Variants in GSE1 observed in about 807,000 individuals in gnomAD.
GSE1 encodes Gse1 coiled-coil protein.
Under a neutral mutation model 112.6 loss-of-function variants are expected in GSE1, and 32 were observed. The ratio of observed to expected loss-of-function variants is 0.28; its 90% CI spans 0.21 to 0.38. GSE1 has a LOEUF of 0.38. Among genes scored for constraint, GSE1 ranks in the 10% least tolerant of loss-of-function variants. GSE1 has a pLI of 1.00. For synonymous variants in GSE1, 1,115 were observed against 735.6 expected (o/e 1.52, Z -8.35); for missense variants, 2,348 against 1,699.2 (o/e 1.38, Z -6.71).
intron 1 of GSE1, among the ~76,000 whole-genome samples, chr16:85,218,336 G>A (rs2075337999): frequency 2.0e-5 from 3 of 152,266 alleles, no homozygotes; most frequent in African/African-American, 7.2e-5. Context: ...ACTCGGGATG[G>A]GCTGCTGAAC....
chr16:85,211,209 G>C (rs1182710465), intron 1 of GSE1, among the ~76,000 whole-genome samples: 1 of 152,192 alleles, frequency 6.6e-6, no homozygotes, highest in Non-Finnish European at 1.5e-5. Flanking sequence ...ACTTCTAGGG[G>C]GGTACCCAGC....
chr16:85,389,196 A>C (rs1597574914), intron 2 of GSE1, among the ~76,000 whole-genome samples: 2 of 152,284 alleles, frequency 1.3e-5, no homozygotes, highest in African/African-American at 4.8e-5. Flanking sequence ...GCAGTGGCTC[A>C]TGCCTGTTAT....
chr16:85,453,718 C>G (rs1424653534), intron 2 of GSE1, among the ~76,000 whole-genome samples: 1 of 152,108 alleles, frequency 6.6e-6, no homozygotes, highest in East Asian at 1.9e-4. Context: ...TGGGGGGATC[C>G]TACTTCATCC....
At chr16:85,365,986 A>T (rs1374919797) in intron 2 of GSE1, among the ~76,000 whole-genome samples, 1 of 152,180 alleles carries the variant, frequency 6.6e-6, no homozygotes, top group Non-Finnish European at 1.5e-5. Context: ...GGCACACGGG[A>T]ATGTGTGAGC....
chr16:85,286,936 A>G (rs2045048099), intron 1 of GSE1, among the ~76,000 whole-genome samples: 1 of 152,202 alleles, frequency 6.6e-6, no homozygotes. Context: ...GTGGAAGAGA[A>G]GCCTTTGCAA....
chr16:85,319,329 G>C (rs889841301), intron 1 of GSE1, among the ~76,000 whole-genome samples: 3 of 152,196 alleles, frequency 2.0e-5, no homozygotes, highest in Non-Finnish European at 4.4e-5. Context: ...CCTAATGGAA[G>C]CCTCTGGATC....
intron 2 of GSE1, among the ~76,000 whole-genome samples, chr16:85,474,655 C>A (rs145096519): frequency 7.1e-6 from 1 of 141,616 alleles, no homozygotes; most frequent in African/African-American, 2.6e-5. Context: ...CTCTTGCCCC[C>A]CCTCTTCCCC....
At chr16:85,438,471 G>A (rs952121168) in intron 2 of GSE1, among the ~76,000 whole-genome samples, 1 of 152,196 alleles carries the variant, frequency 6.6e-6, no homozygotes, top group Non-Finnish European at 1.5e-5. Context: ...CTGTGGTGGT[G>A]GACCTGCTCT....
chr16:85,614,362 C>T (rs1450685643), intron 1 of GSE1, among the ~76,000 whole-genome samples: 1 of 152,088 alleles, frequency 6.6e-6, no homozygotes, highest in Non-Finnish European at 1.5e-5. Context: ...AAATTCCCTT[C>T]ATGGAGGCGG....
rs114146220 is a variant in GSE1 at position 85,550,150 on chromosome 16, A to G, written c.2465-83764A>G. The stretch of plus-strand genomic sequence containing the variant: ...TAAGGAAACTGAGGGTCAAAATGTT[A>G]ATGTCACTGCCCGAGGGCACACAGA... On this transcript the variant is annotated intron_variant, in intron 2 of 2. Coordinates refer to the GSE1 transcript ENST00000637419. Among the ~76,000 whole-genome samples the G allele has an allele frequency of 7.8e-3, 1,190 of 152,164 alleles. 14 individuals are homozygous for G. The highest frequency in any genetic ancestry group is 0.026 in the African/African-American group (1,077 of 41,502).
intron 1 of GSE1, among the ~76,000 whole-genome samples, chr16:85,221,546 C>T (rs1488998319): frequency 6.6e-6 from 1 of 152,164 alleles, no homozygotes; most frequent in Non-Finnish European, 1.5e-5. Flanking sequence ...CCCCTGTTCA[C>T]ATGGCAGCAG....
At chr16:85,261,342 A>AG (rs1470519377) in intron 1 of GSE1, among the ~76,000 whole-genome samples, 1 of 152,204 alleles carries the variant, frequency 6.6e-6, no homozygotes, top group Non-Finnish European at 1.5e-5. Context: ...TCGGTGCCTC[A>AG]GTGTTCCATC....
At chr16:85,357,444 C>A (rs1053776179) in intron 1 of GSE1, 66 of 1,199,310 alleles carry the variant, frequency 5.5e-5, no homozygotes, top group Non-Finnish European at 6.9e-5. Flanking sequence ...CTCACTGTGT[C>A]CACCTCTTTT....
chr16:85,491,098 C>T (rs938920838), intron 2 of GSE1, among the ~76,000 whole-genome samples: 1 of 152,182 alleles, frequency 6.6e-6, no homozygotes, highest in Non-Finnish European at 1.5e-5. Context: ...CAGCTGGGCC[C>T]CCCAAGCCCT....
chr16:85,497,736 A>G (rs1597961035), intron 2 of GSE1, among the ~76,000 whole-genome samples: 1 of 152,174 alleles, frequency 6.6e-6, no homozygotes, highest in Admixed American at 6.5e-5. Flanking sequence ...TTCTTGGGGG[A>G]CACAACCAGC....
intron 2 of GSE1, among the ~76,000 whole-genome samples, chr16:85,428,161 C>T (rs2049035278): frequency 6.6e-6 from 1 of 152,186 alleles, no homozygotes; most frequent in South Asian, 2.1e-4. Context: ...TGAGCCTCTC[C>T]AGATCCCAGG....
intron 2 of GSE1, among the ~76,000 whole-genome samples, chr16:85,423,665 G>T (rs979937991): frequency 6.6e-6 from 1 of 152,234 alleles, no homozygotes; most frequent in East Asian, 1.9e-4. Context: ...GTGTGGCCTG[G>T]TGTCCAGAGT....
At chr16:85,171,128 C>A (rs2074352768) in exon 1 of GSE1, 1 of 985,662 alleles carries the variant, frequency 1.0e-6, no homozygotes, top group Non-Finnish European at 1.2e-6. Flanking sequence ...CGCAGCTGCC[C>A]CAAGTGCTTC....
chr16:85,350,767 A>G (rs1398658356), intron 1 of GSE1, among the ~76,000 whole-genome samples: 3 of 152,156 alleles, frequency 2.0e-5, no homozygotes, highest in Non-Finnish European at 4.4e-5. Flanking sequence ...GGAGGTAGGC[A>G]CTGTGTTGTC....
Sources: allele counts gnomAD v4.1 joint callset (sites outside exome capture counted in the v4.1 genomes callset), GRCh38; gene constraint gnomAD v4.1.1; transcripts MANE v1.5; gene names NCBI Gene and HGNC (gene_info 2026-07-23, HGNC 2026-07-21).